Variants in SNED1 observed in about 807,000 individuals in gnomAD.
SNED1 encodes sushi, nidogen and EGF like domains 1.
In SNED1, 81 loss-of-function variants were observed where a neutral mutation model predicts 166.7. That is an observed-to-expected ratio of 0.49 (90% CI 0.41 to 0.58). The LOEUF (loss-of-function observed/expected upper bound fraction) is 0.58, where lower values mean the gene tolerates loss of function less well. Among genes scored for constraint, SNED1 ranks in the 20% least tolerant of loss-of-function variants. SNED1 has a pLI of 0.00. For synonymous variants in SNED1, 762 were observed against 822.0 expected (o/e 0.93, Z 1.25); for missense variants, 1,604 against 2,000.2 (o/e 0.80, Z 3.78).
At chr2:241,074,080 C>T (rs2062886503) in intron 27 of SNED1, 1 of 152,324 alleles carries the variant, frequency 6.6e-6, no homozygotes, top group Admixed American at 6.5e-5. Flanking sequence ...CCTGTTCTCC[C>T]CTGAGTCATA....
rs1039932193 is a variant in SNED1 at position 241,094,793 on chromosome 2, G to C, written c.*3157G>C. On this transcript the variant is annotated 3_prime_UTR_variant, in exon 32 of 32. Coordinates refer to ENST00000310397, the MANE Select transcript of SNED1 (RefSeq NM_001080437.3). The surrounding 1 kb of genome is among the most constrained non-coding windows in gnomAD (Gnocchi z 4.3). The stretch of plus-strand genomic sequence containing the variant: ...ACAATCTACCAGATCCTAGGATCTA[G>C]TTGATCCTAGAATGCTACCAAGGAG... 6.5e-5 allele frequency: 11 copies of C among 170,064 alleles called. No homozygotes were observed. The highest frequency in any genetic ancestry group is 4.6e-4 in the Admixed American group (8 of 17,428). 10.5% of individuals were successfully genotyped at this position (170,064 alleles called of 1,614,324 possible).
rs550042128 is a variant in SNED1, at chr2:241,041,578, G to A, written c.1273+1165G>A. ...TGCATGCCTGTAATCCCAGCTACTC[G>A]GGAGGTTGAGGCTGGAGCATTGCTT... On this transcript the variant is annotated intron_variant, in intron 8 of 31. Coordinates refer to ENST00000310397, the MANE Select transcript of SNED1 (RefSeq NM_001080437.3). 9.0e-4 allele frequency among the ~76,000 whole-genome samples: 137 copies of A among 152,182 alleles called. No individual in the cohort carries two copies. In the Middle Eastern group the frequency reaches 0.014, roughly 15 times the overall value.
chr2:241,072,255 C>T (rs896797887), intron 26 of SNED1: 8 of 480,520 alleles, frequency 1.7e-5, no homozygotes, highest in Admixed American at 1.2e-4. Flanking sequence ...AGGGTCTAAC[C>T]CGCCACTCCG....
chr2:241,047,065 C>A (rs1431865071), intron 8 of SNED1, among the ~76,000 whole-genome samples: 1 of 150,594 alleles, frequency 6.6e-6, no homozygotes, highest in Non-Finnish European at 1.5e-5. Context: ...ATCACTTGAA[C>A]CCCAGGGAGT....
chr2:241,037,924 C>G (rs2061422687), intron 6 of SNED1, among the ~76,000 whole-genome samples: 1 of 152,186 alleles, frequency 6.6e-6, no homozygotes, highest in Non-Finnish European at 1.5e-5. Context: ...ACTGCTGCTA[C>G]CAAACCTCAG....
At position 241,013,440 on chromosome 2, in the gene SNED1, C is replaced by T. The variant is rs2060477921; in HGVS notation, c.213+14390C>T. On this transcript the variant is annotated intron_variant, in intron 1 of 31. Transcript: ENST00000310397. The surrounding 1 kb of genome is among the most constrained non-coding windows in gnomAD (Gnocchi z 4.6). ...CCCACTTCAGCCACACCCCACTCCACCCCACCCCGCTGGCCCTAGTAGCTG... is the reference window on the plus strand; with the variant it reads ...CCCACTTCAGCCACACCCCACTCCATCCCACCCCGCTGGCCCTAGTAGCTG... Among the ~76,000 whole-genome samples the T allele has an allele frequency of 6.6e-6, 1 of 152,160 alleles. No individual in the cohort carries two copies. The highest frequency in any genetic ancestry group is 2.4e-5 in the African/African-American group (1 of 41,426).
chr2:241,033,506 C>G, intron 2 of SNED1: 1 of 520,520 alleles, frequency 1.9e-6, no homozygotes. Flanking sequence ...CTCACCCCAG[C>G]AATAGTTGTG....
chr2:241,012,365 A>C (rs115308510), intron 1 of SNED1, among the ~76,000 whole-genome samples: 3,227 of 152,334 alleles, frequency 0.021, 109 homozygotes, highest in African/African-American at 0.074. Flanking sequence ...TGGTGGGCCC[A>C]CTGCCAGGCC....
chr2:241,036,859 A>G lies in SNED1; in HGVS notation c.875A>G (p.Asn292Ser), dbSNP rs2061388019. The change falls in exon 5 of 32, where the codon AAC becomes AGC. Residue 292 changes from asparagine (N) to serine (S), a missense_variant. This residue lies in a region of SNED1 where 1,237 missense variants were observed against 1,620.8 expected (regional missense o/e 0.76). Transcript: ENST00000310397. ...GKCIDDCVTG[N>S]PSYTCSCLSG... The stretch of plus-strand genomic sequence containing the variant: ...TGCATCGACGACTGCGTCACGGGCA[A>G]CCCCTCCTACACCTGCTCCTGCCTC... 4.3e-6 allele frequency: 7 copies of G among 1,611,154 alleles called. No individual in the cohort carries two copies. The highest frequency in any genetic ancestry group is 5.1e-6 in the Non-Finnish European group (6 of 1,179,490).
At chr2:241,080,170 G>A (rs2063263187) in intron 27 of SNED1, among the ~76,000 whole-genome samples, 1 of 152,102 alleles carries the variant, frequency 6.6e-6, no homozygotes, top group African/African-American at 2.4e-5. Context: ...TGTAGTACCA[G>A]CTACTCGGGA....
chr2:241,090,535 T>G, intron 31 of SNED1: 1 of 1,411,908 alleles, frequency 7.1e-7, no homozygotes, highest in African/African-American at 1.4e-5. Flanking sequence ...TACATAATTG[T>G]ATGTGCTAGA....
intron 29 of SNED1, 47 bp downstream of exon 29, chr2:241,082,411 T>C (rs1238828653): frequency 1.4e-6 from 2 of 1,463,370 alleles, no homozygotes; most frequent in East Asian, 2.3e-5. Flanking sequence ...TCGTGTGTTC[T>C]TGACTCCTCA....
At chr2:241,054,560 C>G (rs1036798419) in intron 16 of SNED1, among the ~76,000 whole-genome samples, 12 of 152,058 alleles carry the variant, frequency 7.9e-5, no homozygotes, top group Non-Finnish European at 1.0e-4. Context: ...AGAGCAAGAC[C>G]CCACCTCATA....
chr2:240,998,893 C>A lies in SNED1; in HGVS notation c.56C>A (p.Ala19Glu). Residue 19 changes from alanine to glutamate, a missense_variant, in exon 1 of 32, where the codon GCG becomes GAG. Transcript: ENST00000310397. The stretch of plus-strand genomic sequence containing the variant: ...GTGGCCGCGGCCCTGGGGCTTGGGG[C>A]GCGCGGGGTGCGCGGCGCGGTGGCC... The part of the protein sequence containing the change: ...LLVAAALGLG[A>E]RGVRGAVALA... 8.2e-7 allele frequency: 1 copy of A among 1,225,714 alleles called. No homozygotes were observed. Among genetic ancestry groups the A allele is most frequent in the South Asian group, 3.2e-5 (1 of 31,650 alleles). 75.9% of individuals were successfully genotyped at this position (1,225,714 alleles called of 1,614,324 possible).
chr2:241,022,270 C>A (rs2060797335), intron 1 of SNED1, among the ~76,000 whole-genome samples: 2 of 152,102 alleles, frequency 1.3e-5, no homozygotes, highest in South Asian at 4.1e-4. Context: ...GTTGCCTATG[C>A]TTTTGGTGTC....
At chr2:241,010,915 G>A (rs1453008297) in intron 1 of SNED1, among the ~76,000 whole-genome samples, 2 of 152,204 alleles carry the variant, frequency 1.3e-5, no homozygotes, top group Non-Finnish European at 2.9e-5. Flanking sequence ...GACCCCAAAG[G>A]AGACCAGACG....
intron 2 of SNED1, among the ~76,000 whole-genome samples, chr2:241,032,625 A>G (rs1023297465): frequency 1.1e-4 from 16 of 152,212 alleles, no homozygotes; most frequent in Admixed American, 6.5e-4. Flanking sequence ...CCTAGAACTT[A>G]AAGTATAATA....
rs1191915351 is a variant in SNED1, at chr2:240,998,953, G to A, written c.116G>A (p.Gly39Asp). The A allele has an allele frequency of 2.3e-6, 3 of 1,301,066 alleles. No individual in the cohort carries two copies. Among genetic ancestry groups the A allele is most frequent in the South Asian group, 2.0e-5 (1 of 49,672 alleles). 80.6% of individuals were successfully genotyped at this position (1,301,066 alleles called of 1,614,324 possible). ...ADFYPFGAER[G>D]DAVTPKQDDG... ...TTCTACCCGTTCGGCGCCGAGCGCG[G>A]CGACGCCGTCACCCCCAAGCAGGAC... Residue 39 changes from glycine to aspartate, a missense_variant, in exon 1 of 32, where the codon GGC becomes GAC. Gly to Asp is a moderately conservative substitution (Grantham distance 94). Around this residue, in one of 2 missense-constraint regions of SNED1, gnomAD observed 1,237 missense variants for 1,620.8 expected, o/e 0.76. Coordinates refer to ENST00000310397, the MANE Select transcript of SNED1 (RefSeq NM_001080437.3).
chr2:241,094,906 AG>A lies in SNED1; in HGVS notation c.*3272del, dbSNP rs1245642354. Reference sequence around the variant, plus strand: ...AAAAGAGGGCTAACTGGAATGTTCTAGGATGTACCAATCCTCCAGGACCCTC... The same window carrying A: ...AAAAGAGGGCTAACTGGAATGTTCTAGATGTACCAATCCTCCAGGACCCTC... On this transcript the variant is annotated 3_prime_UTR_variant, in exon 32 of 32. Coordinates refer to ENST00000310397, the MANE Select transcript of SNED1 (RefSeq NM_001080437.3). This position sits in a 1 kb window ranked among gnomAD's most constrained non-coding sequence, Gnocchi z 4.3. 1 of 156,038 alleles carries A rather than the reference AG, an allele frequency of 6.4e-6. No homozygotes were observed. Among genetic ancestry groups the A allele is most frequent in the Non-Finnish European group, 1.4e-5 (1 of 70,510 alleles). The allele number at this position is 156,038 out of a possible 1,614,324, so 9.7% of individuals were successfully genotyped here.
Sources: gnomAD v4.1 joint callset for allele counts (sites outside exome capture counted in the v4.1 genomes callset) on GRCh38, gnomAD v4.1.1 for gene constraint, gnomAD v4.1.1 regional missense constraint, Gnocchi (gnomAD v3.1) non-coding constraint, MANE v1.5 for transcripts, NCBI Gene and HGNC (gene_info 2026-07-23, HGNC 2026-07-21) for gene names.